DPP10: variants seen among roughly 807,000 people sequenced by gnomAD.
DPP10 encodes dipeptidyl peptidase like 10, also known as inactive dipeptidyl peptidase 10.
In DPP10, 33 loss-of-function variants were observed where a neutral mutation model predicts 120.9. That is an observed-to-expected ratio of 0.27 (90% CI 0.21 to 0.37). DPP10 has a LOEUF of 0.37. DPP10 is among the 10% of genes least tolerant of loss of function. DPP10 has a pLI of 1.00. For missense variants in DPP10, 816 were observed against 942.8 expected (o/e 0.87, Z 1.76); for synonymous variants, 337 against 326.1 (o/e 1.03, Z -0.36).
intron 1 of DPP10, among the ~76,000 whole-genome samples, chr2:114,810,890 G>A (rs1012977154): frequency 6.6e-6 from 1 of 152,080 alleles, no homozygotes; most frequent in African/African-American, 2.4e-5. Flanking sequence ...CTAGCCCTGC[G>A]GTTTTTCCCA....
At chr2:114,691,218 T>C (rs1292832851) in intron 1 of DPP10, among the ~76,000 whole-genome samples, 1 of 152,116 alleles carries the variant, frequency 6.6e-6, no homozygotes, top group Non-Finnish European at 1.5e-5. Context: ...ATATGGCTTT[T>C]ATTATTTTGA....
At chr2:115,155,059 TTTTA>T (rs2051812165) in intron 1 of DPP10, among the ~76,000 whole-genome samples, 1 of 150,910 alleles carries the variant, frequency 6.6e-6, no homozygotes, top group Non-Finnish European at 1.5e-5. Context: ...ACCAAGCTAA[TTTTA>T]TTTATTTTTT....
chr2:115,355,352 A>G (rs1183865211), intron 3 of DPP10, among the ~76,000 whole-genome samples: 2 of 152,236 alleles, frequency 1.3e-5, no homozygotes, highest in South Asian at 2.1e-4. Flanking sequence ...GGCCGTGTAC[A>G]TGTCTTCTTT....
intron 5 of DPP10, among the ~76,000 whole-genome samples, chr2:115,534,262 C>T (rs2078658789): frequency 6.6e-6 from 1 of 152,054 alleles, no homozygotes; most frequent in Admixed American, 6.6e-5. Context: ...CCTCCCCACT[C>T]CCGGCACCCC....
chr2:114,756,059 T>C (rs1679714208), intron 1 of DPP10, among the ~76,000 whole-genome samples: 1 of 151,874 alleles, frequency 6.6e-6, no homozygotes, highest in African/African-American at 2.4e-5. Context: ...AGAACAAGTA[T>C]AGAAATATGA....
chr2:115,272,909 T>A (rs1054113541), intron 1 of DPP10, among the ~76,000 whole-genome samples: 2 of 152,256 alleles, frequency 1.3e-5, no homozygotes, highest in Non-Finnish European at 2.9e-5. Flanking sequence ...GAAAAACGCT[T>A]CATAATCCAA....
intron 1 of DPP10, among the ~76,000 whole-genome samples, chr2:115,004,793 G>A (rs1172998066): frequency 6.6e-6 from 1 of 152,092 alleles, no homozygotes; most frequent in Non-Finnish European, 1.5e-5. Context: ...GCTGGGGGAG[G>A]GGCGCCCACC....
chr2:114,805,751 C>T (rs1300852310), intron 1 of DPP10, among the ~76,000 whole-genome samples: 2 of 152,200 alleles, frequency 1.3e-5, no homozygotes, highest in African/African-American at 2.4e-5. Flanking sequence ...ACCTCAAATT[C>T]TGCTGCTTCC....
intron 1 of DPP10, among the ~76,000 whole-genome samples, chr2:114,509,487 C>G (rs1683958176): frequency 1.3e-5 from 2 of 152,176 alleles, no homozygotes; most frequent in Non-Finnish European, 1.5e-5. Context: ...TGGAGGGTAG[C>G]AGGCCTGGAG....
At chr2:115,316,427 A>G (rs1049329360) in intron 2 of DPP10, among the ~76,000 whole-genome samples, 3 of 152,206 alleles carry the variant, frequency 2.0e-5, no homozygotes, top group African/African-American at 7.2e-5. Context: ...TTTTGTAATT[A>G]GTAAACTAAT....
intron 1 of DPP10, among the ~76,000 whole-genome samples, chr2:114,789,255 T>TAA (rs1683042379): frequency 6.6e-6 from 1 of 152,074 alleles, no homozygotes; most frequent in Non-Finnish European, 1.5e-5. Flanking sequence ...CTTACCAGAG[T>TAA]AACAGGGGAA....
chr2:115,508,689 G>A lies in DPP10; in HGVS notation c.366+9085G>A, dbSNP rs368523170. 3.9e-5 allele frequency among the ~76,000 whole-genome samples: 6 copies of A among 152,228 alleles called. No homozygotes were observed. In the East Asian group the frequency reaches 1.2e-3, roughly 30 times the overall value. On this transcript the variant is annotated intron_variant, in intron 4 of 25. Coordinates refer to ENST00000410059, the MANE Select transcript of DPP10 (RefSeq NM_020868.6). Reference sequence around the variant, plus strand: ...GGAGCCTGAGGCAGGTGGATCACAAGGTCAAGAGATTAAGACCATCCTGGC... The same window carrying A: ...GGAGCCTGAGGCAGGTGGATCACAAAGTCAAGAGATTAAGACCATCCTGGC...
intron 1 of DPP10, among the ~76,000 whole-genome samples, chr2:114,598,480 A>G (rs2105210729): frequency 6.6e-6 from 1 of 152,042 alleles, no homozygotes; most frequent in African/African-American, 2.4e-5. Flanking sequence ...TAGAAGGAGC[A>G]CAGTGTCTAT....
At chr2:115,547,881 G>C (rs1227111784) in intron 5 of DPP10, among the ~76,000 whole-genome samples, 2 of 152,024 alleles carry the variant, frequency 1.3e-5, no homozygotes, top group African/African-American at 4.8e-5. Context: ...CTTAAGTAGA[G>C]TTGGCATCTT....
At chr2:115,050,927 T>A (rs573489704) in intron 1 of DPP10, among the ~76,000 whole-genome samples, 3 of 152,134 alleles carry the variant, frequency 2.0e-5, no homozygotes, top group African/African-American at 7.2e-5. Context: ...TGACCACACA[T>A]GACAAAGAAT....
At chr2:115,290,731 A>G (rs1256370110) in intron 1 of DPP10, among the ~76,000 whole-genome samples, 1 of 152,102 alleles carries the variant, frequency 6.6e-6, no homozygotes, top group Non-Finnish European at 1.5e-5. Context: ...AAAGCATTTC[A>G]TTTTCCCTGT....
chr2:115,673,140 T>C (rs1017191104), intron 5 of DPP10, among the ~76,000 whole-genome samples: 9 of 152,130 alleles, frequency 5.9e-5, no homozygotes, highest in Admixed American at 3.3e-4. Flanking sequence ...TCTGGAAAAT[T>C]TTTTCCTCTA....
At chr2:115,787,424 C>T (rs1405814619) in intron 17 of DPP10, among the ~76,000 whole-genome samples, 1 of 152,062 alleles carries the variant, frequency 6.6e-6, no homozygotes, top group Non-Finnish European at 1.5e-5. Flanking sequence ...TATGAAAGAA[C>T]TTTGTGAATT....
intron 1 of DPP10, among the ~76,000 whole-genome samples, chr2:115,277,112 G>A (rs572016653): frequency 6.6e-6 from 1 of 152,196 alleles, no homozygotes; most frequent in Non-Finnish European, 1.5e-5. Context: ...TAGATATTAA[G>A]AAAAATCAAG....
Sources: allele counts gnomAD v4.1 joint callset (sites outside exome capture counted in the v4.1 genomes callset), GRCh38; gene constraint gnomAD v4.1.1; transcripts MANE v1.5; gene names NCBI Gene and HGNC (gene_info 2026-07-23, HGNC 2026-07-21).